The following ZDHHC21 variants were observed in gnomAD, a reference collection of about 807,000 sequenced individuals.
ZDHHC21 encodes the protein palmitoyltransferase ZDHHC21.
A neutral mutation model predicts 34.6 loss-of-function variants in ZDHHC21; 15 were observed. That is an observed-to-expected ratio of 0.43 (90% CI 0.29 to 0.67). The LOEUF (loss-of-function observed/expected upper bound fraction) is 0.67, where lower values mean the gene tolerates loss of function less well. Among genes scored for constraint, ZDHHC21 ranks in the 30% least tolerant of loss-of-function variants. The pLI is 0.14. For synonymous variants in ZDHHC21, 142 were observed against 101.8 expected, an observed-to-expected ratio of 1.40 and a Z score of -2.38; for missense variants, 344 against 327.7, an observed-to-expected ratio of 1.05 and a Z score of -0.38.
intron 5 of ZDHHC21, among the ~76,000 whole-genome samples, chr9:14,664,377 G>A (rs1288262509): frequency 6.6e-6 from 1 of 151,276 alleles, no homozygotes; most frequent in African/African-American, 2.4e-5. Context: ...GAGTCTCGCT[G>A]ATTGCTAGCA....
intron 8 of ZDHHC21, among the ~76,000 whole-genome samples, chr9:14,628,253 G>A (rs977899042): frequency 9.9e-5 from 15 of 151,828 alleles, no homozygotes; most frequent in Admixed American, 2.6e-4. Flanking sequence ...ATTTTATCTG[G>A]GTCACAGATA....
At chr9:14,658,199 C>T (rs1258040908) in intron 7 of ZDHHC21, among the ~76,000 whole-genome samples, 1 of 152,098 alleles carries the variant, frequency 6.6e-6, no homozygotes, top group Non-Finnish European at 1.5e-5. Context: ...TAAACCAAGA[C>T]ACACGTATTG....
At chr9:14,657,508 G>C (rs112126391) in intron 7 of ZDHHC21, among the ~76,000 whole-genome samples, 4,882 of 25,166 alleles carry the variant, frequency 0.19, 104 homozygotes, top group Non-Finnish European at 0.27. Context: ...GGCTGGCAAA[G>C]TTACTGTAAA....
At chr9:14,673,561 G>T (rs953559209) in intron 4 of ZDHHC21, among the ~76,000 whole-genome samples, 2 of 150,120 alleles carry the variant, frequency 1.3e-5, no homozygotes, top group Non-Finnish European at 3.0e-5. Flanking sequence ...CATGTAAAGG[G>T]AATAGTCTGA....
chr9:14,610,853 C>T (rs565205682), downstream of ZDHHC21, among the ~76,000 whole-genome samples: 12 of 152,076 alleles, frequency 7.9e-5, no homozygotes, highest in South Asian at 2.3e-3. Flanking sequence ...AGAAATACTG[C>T]GTTTGTCAAT....
intron 3 of ZDHHC21, among the ~76,000 whole-genome samples, chr9:14,678,600 T>C (rs972663694): frequency 3.3e-5 from 5 of 152,088 alleles, no homozygotes; most frequent in Non-Finnish European, 7.4e-5. Flanking sequence ...ACAATCATCC[T>C]GGGAGGGCAA....
intron 2 of ZDHHC21, among the ~76,000 whole-genome samples, chr9:14,689,686 A>G (rs1417307887): frequency 6.6e-6 from 1 of 152,210 alleles, no homozygotes; most frequent in East Asian, 1.9e-4. Context: ...TACTGCTAAT[A>G]CAGGCATTTA....
chr9:14,601,831 T>A, the ZDHHC21 span, among the ~76,000 whole-genome samples: 1 of 152,194 alleles, frequency 6.6e-6, no homozygotes, highest in East Asian at 1.9e-4. Context: ...AACGGATGAG[T>A]TCATGTCCTT....
intron 5 of ZDHHC21, among the ~76,000 whole-genome samples, chr9:14,662,876 G>A (rs779522662): frequency 6.6e-6 from 1 of 152,174 alleles, no homozygotes; most frequent in Non-Finnish European, 1.5e-5. Flanking sequence ...ATTTAAGAGT[G>A]TGTATGGGAC....
intron 1 of ZDHHC21, among the ~76,000 whole-genome samples, chr9:14,692,024 A>C (rs1477583428): frequency 6.6e-6 from 1 of 152,212 alleles, no homozygotes; most frequent in East Asian, 1.9e-4. Flanking sequence ...ATGGGACTAG[A>C]ATCTAGTTTT....
At chr9:14,645,494 T>C (rs1830136939) in intron 7 of ZDHHC21, among the ~76,000 whole-genome samples, 1 of 152,042 alleles carries the variant, frequency 6.6e-6, no homozygotes, top group African/African-American at 2.4e-5. Flanking sequence ...ATATAGTACC[T>C]AGATGATAAT....
chr9:14,675,337 T>TA (rs1365224872), intron 3 of ZDHHC21, among the ~76,000 whole-genome samples: 1 of 151,952 alleles, frequency 6.6e-6, no homozygotes. Flanking sequence ...TACAATGGTA[T>TA]AATAATAAAC....
intron 2 of ZDHHC21, among the ~76,000 whole-genome samples, chr9:14,683,363 A>G (rs1488133182): frequency 2.0e-5 from 3 of 152,120 alleles, no homozygotes; most frequent in Admixed American, 2.0e-4. Context: ...AATGATAAAG[A>G]GGATATCACC....
intron 8 of ZDHHC21, among the ~76,000 whole-genome samples, chr9:14,628,115 A>G (rs1005495385): frequency 6.6e-6 from 1 of 152,192 alleles, no homozygotes; most frequent in South Asian, 2.1e-4. Context: ...AAAAATAATC[A>G]CAGGTAATCC....
chr9:14,656,474 T>A (rs542091202), intron 7 of ZDHHC21, among the ~76,000 whole-genome samples: 1 of 152,058 alleles, frequency 6.6e-6, no homozygotes, highest in South Asian at 2.1e-4. Flanking sequence ...AACTAAAACA[T>A]TGAGATAATA....
At chr9:14,605,316 C>A in the ZDHHC21 span, among the ~76,000 whole-genome samples, 14 of 152,140 alleles carry the variant, frequency 9.2e-5, no homozygotes, top group South Asian at 1.2e-3. Context: ...TTTTACACCC[C>A]TAGTAACAGT....
At chr9:14,636,041 G>A (rs561790100) in intron 8 of ZDHHC21, among the ~76,000 whole-genome samples, 1 of 152,196 alleles carries the variant, frequency 6.6e-6, no homozygotes, top group South Asian at 2.1e-4. Context: ...TAAAATGACA[G>A]GAGTAAGCCT....
downstream of ZDHHC21, among the ~76,000 whole-genome samples, chr9:14,606,545 A>G (rs1023342292): frequency 6.6e-6 from 1 of 152,170 alleles, no homozygotes; most frequent in Non-Finnish European, 1.5e-5. Context: ...CCTCCAGCTA[A>G]GACCTCAGAC....
chr9:14,679,395 A>G (rs1175678472), intron 3 of ZDHHC21, among the ~76,000 whole-genome samples: 1 of 152,174 alleles, frequency 6.6e-6, no homozygotes, highest in African/African-American at 2.4e-5. Flanking sequence ...TTCAAAATTA[A>G]GTGTTCGGGA....
Sources: allele counts gnomAD v4.1 joint callset (sites outside exome capture counted in the v4.1 genomes callset), GRCh38; gene constraint gnomAD v4.1.1; transcripts MANE v1.5; gene names NCBI Gene and HGNC (gene_info 2026-07-23, HGNC 2026-07-21).